GTF3C4: variants seen among roughly 807,000 people sequenced by gnomAD.
The protein encoded by GTF3C4 is general transcription factor IIIC subunit 4.
Under a neutral mutation model 67.5 loss-of-function variants are expected in GTF3C4, and 28 were observed. The ratio of observed to expected loss-of-function variants is 0.41; its 90% CI spans 0.31 to 0.57. GTF3C4 has a LOEUF of 0.57. Among genes scored for constraint, GTF3C4 ranks in the 20% least tolerant of loss-of-function variants. GTF3C4 has a pLI of 0.21. For missense variants in GTF3C4, 831 were observed against 1,033.2 expected (o/e 0.80, Z 2.68); for synonymous variants, 409 against 393.0 (o/e 1.04, Z -0.48).
upstream of GTF3C4, chr9:132,670,442 G>A: frequency 2.1e-6 from 2 of 951,768 alleles, no homozygotes; most frequent in Non-Finnish European, 2.9e-6. Flanking sequence ...GGGCCGCGTT[G>A]CCTGGCAACG....
In GTF3C4 at chr9:132,679,537, A is replaced by C. The variant is rs556897264; in HGVS notation, c.1918A>C (p.Ser640Arg). 178 of 1,614,134 alleles carry C rather than the reference A, an allele frequency of 1.1e-4. 1 individual carries two copies. In the South Asian group the frequency reaches 1.8e-3, roughly 16 times the overall value. Residue 640 changes from serine (S) to arginine (R), a missense_variant, in exon 2 of 5, where the codon AGC becomes CGC. Physicochemically the swap from Ser to Arg is moderately radical, Grantham distance 110 (BLOSUM62 -1). Around this residue, in one of 4 missense-constraint regions of GTF3C4, gnomAD observed 75 missense variants for 66.4 expected, o/e 1.13. Coordinates refer to ENST00000372146, the MANE Select transcript of GTF3C4 (RefSeq NM_012204.4). The surrounding 1 kb of genome is among the most constrained non-coding windows in gnomAD (Gnocchi z 5.9). Reference protein sequence around the residue: ...QVVKQGLQERSKEGDVEEPTD... With the variant: ...QVVKQGLQERRKEGDVEEPTD... Reference sequence around the variant, plus strand: ...GGTGAAGCAAGGCCTGCAGGAGAGGAGCAAGGAAGGAGATGTAGAGGAGCC... The same window carrying C: ...GGTGAAGCAAGGCCTGCAGGAGAGGCGCAAGGAAGGAGATGTAGAGGAGCC...
intron 4 of GTF3C4, among the ~76,000 whole-genome samples, chr9:132,688,049 A>C (rs766484386): frequency 6.6e-6 from 1 of 152,240 alleles, no homozygotes; most frequent in Non-Finnish European, 1.5e-5. Context: ...AACTGGCAGA[A>C]GCTCTCTAAT....
Position 132,693,739 on chromosome 9 carries a change from T to G in GTF3C4, c.*4794T>G, listed in dbSNP as rs966561722. 15 of 152,172 alleles carry G rather than the reference T, an allele frequency of 9.9e-5. No homozygotes were observed. The highest frequency in any genetic ancestry group is 3.6e-4 in the African/African-American group (15 of 41,438). The allele number at this position is 152,172 out of a possible 1,614,324, so 9.4% of individuals were successfully genotyped here. A position where few individuals can be genotyped will look rare whatever the true frequency, so the allele number is the denominator to read the frequency against. The stretch of plus-strand genomic sequence containing the variant: ...CATTTCATACTTTACCAGTTTACAT[T>G]TGGCTAGCAGACTGGTAAGGTTTAG... On this transcript the variant is annotated 3_prime_UTR_variant, in exon 5 of 5. Transcript: ENST00000372146.
At chr9:132,673,140 G>C (rs527946498) in intron 1 of GTF3C4, among the ~76,000 whole-genome samples, 156 of 152,200 alleles carry the variant, frequency 1.0e-3, no homozygotes, top group Non-Finnish European at 1.7e-3. Flanking sequence ...CCAAGATTGC[G>C]CCACTGTACT....
chr9:132,688,816 T>C (rs1564358818), intron 4 of GTF3C4, 65 bp from the exon 5 acceptor site: 1 of 1,151,010 alleles, frequency 8.7e-7, no homozygotes, highest in Non-Finnish European at 1.3e-6. Context: ...TACAGTCCGG[T>C]ATTCATCCCT....
intron 1 of GTF3C4, among the ~76,000 whole-genome samples, chr9:132,675,838 T>G (rs10901197): frequency 0.3 from 44,866 of 150,844 alleles, 7,464 homozygotes; most frequent in East Asian, 0.44. Flanking sequence ...GCTTATCTAT[T>G]ATGTCATCTA....
chr9:132,670,996 C>T (rs768516868), intron 1 of GTF3C4, 41 bp downstream of exon 1: 5 of 1,374,736 alleles, frequency 3.6e-6, no homozygotes, highest in Non-Finnish European at 5.2e-6. Flanking sequence ...TCCCCTGTCC[C>T]CCTCTCGCGG....
intron 2 of GTF3C4, among the ~76,000 whole-genome samples, chr9:132,681,203 AAG>A (rs1835939097): frequency 6.6e-6 from 1 of 152,232 alleles, no homozygotes. Context: ...GGTTTATTAT[AAG>A]AGTCAGTGAA....
In GTF3C4 at chr9:132,689,594, T is replaced by C. The variant is rs1445435981; in HGVS notation, c.*649T>C. The stretch of plus-strand genomic sequence containing the variant: ...GTGTCAAATGATCTGGTGACTATTA[T>C]AATGAATAATTGTGACTTATTTTTC... On this transcript the variant is annotated 3_prime_UTR_variant, in exon 5 of 5. Transcript: ENST00000372146. 6.6e-6 allele frequency: 1 copy of C among 152,560 alleles called. No individual in the cohort carries two copies. The highest frequency in any genetic ancestry group is 1.9e-4 in the East Asian group (1 of 5,206). The allele number at this position is 152,560 out of a possible 1,614,324, so 9.5% of individuals were successfully genotyped here.
In GTF3C4 at chr9:132,691,023, C is replaced by G. The variant is rs112045846; in HGVS notation, c.*2078C>G. On this transcript the variant is annotated 3_prime_UTR_variant, in exon 5 of 5. Transcript: ENST00000372146. ...CTCCCAAATTTTTTTGTATGTCTCT[C>G]TAGGAGTAAACATGGCAACAGTTTT... 1.1e-4 allele frequency: 16 copies of G among 152,244 alleles called. No homozygotes were observed. Among genetic ancestry groups the G allele is most frequent in the African/African-American group, 3.4e-4 (14 of 41,528 alleles). 9.4% of individuals were successfully genotyped at this position (152,244 alleles called of 1,614,324 possible).
chr9:132,687,142 T>C (rs1295650590), intron 3 of GTF3C4, 97 bp from the exon 4 acceptor site: 1 of 775,460 alleles, frequency 1.3e-6, no homozygotes, highest in Non-Finnish European at 2.4e-6. Context: ...GGTTAATGTG[T>C]GGTTTTATGA....
At chr9:132,688,376 C>T (rs1027270530) in intron 4 of GTF3C4, among the ~76,000 whole-genome samples, 2 of 152,166 alleles carry the variant, frequency 1.3e-5, no homozygotes, top group African/African-American at 4.8e-5. Flanking sequence ...TTGAGTCTAG[C>T]CATTTAAAGC....
At chr9:132,680,252 TAAAC>T (rs760502675) in intron 2 of GTF3C4, among the ~76,000 whole-genome samples, 130 of 152,330 alleles carry the variant, frequency 8.5e-4, no homozygotes, top group Non-Finnish European at 1.5e-3. Flanking sequence ...ACATATAAAG[TAAAC>T]AAATTATTAC....
At position 132,670,470 on chromosome 9, in the gene GTF3C4, T is replaced by C. The variant is rs2130887439; in HGVS notation, c.-129T>C. The stretch of plus-strand genomic sequence containing the variant: ...TGGCAACGGCGGGGTCCTTCTTGGC[T>C]CGGCGGCGCTCGGGGCCTGAGGGGA... On this transcript the variant is annotated 5_prime_UTR_variant, in exon 1 of 5. Coordinates refer to ENST00000372146, the MANE Select transcript of GTF3C4 (RefSeq NM_012204.4). The C allele has an allele frequency of 1.0e-6, 1 of 974,676 alleles. No homozygotes were observed. The highest frequency in any genetic ancestry group is 2.2e-5 in the South Asian group (1 of 44,546). 60.4% of individuals were successfully genotyped at this position (974,676 alleles called of 1,614,324 possible). A position where few individuals can be genotyped will look rare whatever the true frequency, so the allele number is the denominator to read the frequency against.
chr9:132,673,797 A>G (rs1835825877), intron 1 of GTF3C4, among the ~76,000 whole-genome samples: 1 of 152,234 alleles, frequency 6.6e-6, no homozygotes, highest in Non-Finnish European at 1.5e-5. Flanking sequence ...CAGTTATGTA[A>G]TAGTTCAGAC....
At chr9:132,674,132 G>A (rs759962743) in intron 1 of GTF3C4, among the ~76,000 whole-genome samples, 1 of 152,164 alleles carries the variant, frequency 6.6e-6, no homozygotes, top group Non-Finnish European at 1.5e-5. Context: ...GTGAATTTTT[G>A]TCAGGTGCTT....
chr9:132,673,854 A>C (rs755729), intron 1 of GTF3C4, among the ~76,000 whole-genome samples: 72,314 of 152,054 alleles, frequency 0.48, 17,951 homozygotes, highest in African/African-American at 0.61. Context: ...AAAGGTGGAC[A>C]GTATAAATCT....
Position 132,678,839 on chromosome 9 carries a change from C to T in GTF3C4, c.1220C>T (p.Ser407Phe). 6.2e-7 allele frequency: 1 copy of T among 1,614,162 alleles called. No homozygotes were observed. The highest frequency in any genetic ancestry group is 1.1e-5 in the South Asian group (1 of 91,082). The change falls in exon 2 of 5, where the codon TCC becomes TTC. Residue 407 changes from serine (S) to phenylalanine (F), a missense_variant. By Grantham distance (155) the Ser-to-Phe change is radical. Coordinates refer to ENST00000372146, the MANE Select transcript of GTF3C4 (RefSeq NM_012204.4). This position sits in a 1 kb window ranked among gnomAD's most constrained non-coding sequence, Gnocchi z 6.5. ...GTATTTTGGTGTCTTCTTCTGATCTCCAAAGCAGGGCTGAATGTTCACAAT... is the reference window on the plus strand; with the variant it reads ...GTATTTTGGTGTCTTCTTCTGATCTTCAAAGCAGGGCTGAATGTTCACAAT... ...SYVFWCLLLI[S>F]KAGLNVHNSH...
chr9:132,675,511 A>G (rs1299891527), intron 1 of GTF3C4, among the ~76,000 whole-genome samples: 1 of 152,132 alleles, frequency 6.6e-6, no homozygotes, highest in East Asian at 1.9e-4. Flanking sequence ...AGTATTCCAC[A>G]TACTTTTGGA....
Sources: gnomAD v4.1 joint callset for allele counts (sites outside exome capture counted in the v4.1 genomes callset) on GRCh38, gnomAD v4.1.1 for gene constraint, gnomAD v4.1.1 regional missense constraint, Gnocchi (gnomAD v3.1) non-coding constraint, MANE v1.5 for transcripts, NCBI Gene and HGNC (gene_info 2026-07-23, HGNC 2026-07-21) for gene names.